The following PTPRN2 variants were observed in gnomAD, a reference collection of about 807,000 sequenced individuals.
PTPRN2 encodes the protein protein tyrosine phosphatase receptor type N2.
PTPRN2 carries 74 observed loss-of-function variants against 118.8 expected under a neutral mutation model. The observed-to-expected ratio is 0.62, with a 90% CI of 0.52 to 0.76. The LOEUF is 0.76. Ranked by LOEUF, PTPRN2 falls within the 30% of genes least tolerant of loss-of-function variation. The pLI is 0.00. For missense variants in PTPRN2, 1,481 were observed against 1,394.4 expected (o/e 1.06, Z -0.99); for synonymous variants, 641 against 608.0 (o/e 1.05, Z -0.80).
rs1804004901 is a variant in PTPRN2 at position 157,632,227 on chromosome 7, C to G, written c.2197-10718G>C. Among the ~76,000 whole-genome samples the G allele has an allele frequency of 6.6e-6, 1 of 152,198 alleles. No individual in the cohort carries two copies. Among genetic ancestry groups the G allele is most frequent in the Non-Finnish European group, 1.5e-5 (1 of 68,040 alleles). On this transcript the variant is annotated intron_variant, in intron 14 of 22. Transcript: ENST00000389418. This position sits in a 1 kb window ranked among gnomAD's most constrained non-coding sequence, Gnocchi z 4.3. ...GCAGGGTACTTCCTGGAGTCCACAG[C>G]CGGCCCAGTCTCTGCCTCACCTCTA...
chr7:157,799,566 A>G (rs1303311175), intron 12 of PTPRN2, among the ~76,000 whole-genome samples: 1 of 152,036 alleles, frequency 6.6e-6, no homozygotes, highest in Non-Finnish European at 1.5e-5. Context: ...TGACTCGCAC[A>G]CTGCCCCTCC....
chr7:157,607,716 C>T (rs1044232449), intron 15 of PTPRN2, among the ~76,000 whole-genome samples: 3 of 152,204 alleles, frequency 2.0e-5, no homozygotes, highest in Non-Finnish European at 4.4e-5. Flanking sequence ...GGGAAAGTGG[C>T]CACTGCCATT....
intron 9 of PTPRN2, among the ~76,000 whole-genome samples, chr7:158,124,776 G>C (rs544576026): frequency 6.6e-6 from 1 of 152,306 alleles, no homozygotes; most frequent in East Asian, 1.9e-4. Flanking sequence ...CTGCTGGTCA[G>C]CCTGGGCCAC....
At chr7:158,002,192 C>T (rs80151523) in intron 11 of PTPRN2, among the ~76,000 whole-genome samples, 2 of 152,310 alleles carry the variant, frequency 1.3e-5, no homozygotes, top group African/African-American at 2.4e-5. Context: ...AAGCAGCCCC[C>T]GCGGGAAACA....
At chr7:157,760,507 G>C (rs1351304722) in intron 12 of PTPRN2, among the ~76,000 whole-genome samples, 1 of 152,016 alleles carries the variant, frequency 6.6e-6, no homozygotes, top group Non-Finnish European at 1.5e-5. Flanking sequence ...AGGAGAATGA[G>C]CAGAGCCAGT....
intron 12 of PTPRN2, among the ~76,000 whole-genome samples, chr7:157,700,132 T>C (rs1041734763): frequency 1.3e-5 from 2 of 152,204 alleles, no homozygotes; most frequent in Admixed American, 6.5e-5. Context: ...AATCTAGTCT[T>C]ACGTTTTCTA....
intron 3 of PTPRN2, among the ~76,000 whole-genome samples, chr7:158,227,659 A>G (rs1828893529): frequency 6.6e-6 from 1 of 152,224 alleles, no homozygotes; most frequent in Non-Finnish European, 1.5e-5. Flanking sequence ...AATGCTCTTT[A>G]CGGAAGATGA....
chr7:158,211,913 C>T (rs543314607), intron 3 of PTPRN2, among the ~76,000 whole-genome samples: 2 of 152,260 alleles, frequency 1.3e-5, no homozygotes, highest in South Asian at 4.2e-4. Context: ...TATCCACACT[C>T]CCATGTTTAT....
At chr7:158,321,827 G>A (rs553368177) in intron 2 of PTPRN2, among the ~76,000 whole-genome samples, 10 of 152,302 alleles carry the variant, frequency 6.6e-5, no homozygotes, top group Admixed American at 3.3e-4. Flanking sequence ...ACAGAAACAC[G>A]TGCACAGCTG....
intron 3 of PTPRN2, among the ~76,000 whole-genome samples, chr7:158,251,433 G>A (rs1209485103): frequency 2.0e-5 from 3 of 152,038 alleles, no homozygotes; most frequent in Non-Finnish European, 4.4e-5. Flanking sequence ...TGCAATGGAT[G>A]TATATGGTGC....
intron 2 of PTPRN2, among the ~76,000 whole-genome samples, chr7:158,482,329 G>T (rs2129444961): frequency 6.6e-6 from 1 of 152,330 alleles, no homozygotes; most frequent in African/African-American, 2.4e-5. Flanking sequence ...GTTCTGCAAA[G>T]AAATCTTTCA....
intron 12 of PTPRN2, among the ~76,000 whole-genome samples, chr7:157,738,113 G>A (rs943470597): frequency 6.6e-6 from 1 of 152,132 alleles, no homozygotes; most frequent in African/African-American, 2.4e-5. Context: ...AAGGCCTCTC[G>A]GTATTATACT....
chr7:157,725,313 G>A lies in PTPRN2; in HGVS notation c.1789-42376C>T, dbSNP rs1430770445. On this transcript the variant is annotated intron_variant, in intron 12 of 22. Coordinates refer to ENST00000389418, the MANE Select transcript of PTPRN2 (RefSeq NM_002847.5). ...TGGATACCTACACCCAGAGGAGTGT[G>A]GCCAGACCCTCGCCTCCCAGGAGAA... Among the ~76,000 whole-genome samples, 525 of 98,284 alleles carry A rather than the reference G, an allele frequency of 5.3e-3. 15 individuals are homozygous for A. Among genetic ancestry groups the A allele is most frequent in the African/African-American group, 0.023 (426 of 18,322 alleles). 64.5% of individuals were successfully genotyped at this position (98,284 alleles called of 152,430 possible). A position where few individuals can be genotyped will look rare whatever the true frequency, so the allele number is the denominator to read the frequency against.
In PTPRN2 at chr7:158,556,286, G is replaced by A. The variant is rs186839107; in HGVS notation, c.112+31272C>T. 3.9e-5 allele frequency among the ~76,000 whole-genome samples: 6 copies of A among 152,328 alleles called. No homozygotes were observed. In the East Asian group the frequency reaches 7.7e-4, roughly 20 times the overall value. Reference sequence around the variant, plus strand: ...CAGATTAGATGGGCTGGGCATGGTGGCTTACACCTGTAATCCCAGCATTTT... The same window carrying A: ...CAGATTAGATGGGCTGGGCATGGTGACTTACACCTGTAATCCCAGCATTTT... On this transcript the variant is annotated intron_variant, in intron 1 of 22. Transcript: ENST00000389418.
intron 1 of PTPRN2, among the ~76,000 whole-genome samples, chr7:158,579,686 C>T (rs908586659): frequency 1.3e-5 from 2 of 152,200 alleles, no homozygotes; most frequent in African/African-American, 4.8e-5. Flanking sequence ...TTCCCTATTC[C>T]CTACCATATT....
chr7:157,850,413 C>T (rs1426957282), intron 12 of PTPRN2, among the ~76,000 whole-genome samples: 4 of 151,972 alleles, frequency 2.6e-5, no homozygotes, highest in African/African-American at 9.7e-5. Flanking sequence ...GTAAGGGATC[C>T]CAGGTATCCG....
chr7:157,620,400 C>T (rs532923053), intron 15 of PTPRN2, among the ~76,000 whole-genome samples: 6 of 152,290 alleles, frequency 3.9e-5, no homozygotes, highest in African/African-American at 1.2e-4. Flanking sequence ...CTTATATTTC[C>T]ATTTTCTGGC....
At chr7:158,375,418 T>C (rs920943395) in intron 2 of PTPRN2, among the ~76,000 whole-genome samples, 9 of 152,156 alleles carry the variant, frequency 5.9e-5, no homozygotes, top group South Asian at 2.1e-4. Context: ...GCAGCCAGGC[T>C]CAAGCTCCTG....
intron 2 of PTPRN2, among the ~76,000 whole-genome samples, chr7:158,347,201 T>A (rs1807577446): frequency 6.6e-6 from 1 of 152,224 alleles, no homozygotes; most frequent in African/African-American, 2.4e-5. Flanking sequence ...CATTTTGCCC[T>A]GTGATTTCTT....
Sources: allele counts gnomAD v4.1 joint callset (sites outside exome capture counted in the v4.1 genomes callset), GRCh38; gene constraint gnomAD v4.1.1; non-coding constraint Gnocchi (gnomAD v3.1); transcripts MANE v1.5; gene names NCBI Gene and HGNC (gene_info 2026-07-23, HGNC 2026-07-21).